The following LDAH variants were observed in gnomAD, a reference collection of about 807,000 sequenced individuals.
LDAH encodes lipid droplet associated hydrolase, also known as lipid droplet-associated hydrolase.
Under a neutral mutation model 29.6 loss-of-function variants are expected in LDAH, and 26 were observed. The ratio of observed to expected loss-of-function variants is 0.88; its 90% CI spans 0.64 to 1.22. The LOEUF (loss-of-function observed/expected upper bound fraction) is 1.22, where lower values mean the gene tolerates loss of function less well. Among genes scored for constraint, LDAH ranks in the 50% most tolerant of loss-of-function variants. The pLI, the probability that LDAH is intolerant of heterozygous loss-of-function variation, is 0.00. For missense variants in LDAH, 344 were observed against 387.3 expected (o/e 0.89, Z 0.94); for synonymous variants, 117 against 133.0 (o/e 0.88, Z 0.83).
intron 6 of LDAH, among the ~76,000 whole-genome samples, chr2:20,692,896 C>T (rs1663144277): frequency 6.6e-6 from 1 of 152,072 alleles, no homozygotes; most frequent in Non-Finnish European, 1.5e-5. Flanking sequence ...CTTTATATCA[C>T]AGTGTGGTAA....
chr2:20,763,585 T>C (rs1287162258), intron 4 of LDAH, among the ~76,000 whole-genome samples: 3 of 152,226 alleles, frequency 2.0e-5, no homozygotes, highest in African/African-American at 4.8e-5. Flanking sequence ...ACAGTACTCC[T>C]GGGCCAAGAA....
At chr2:20,736,907 T>C (rs1325387316) in intron 5 of LDAH, among the ~76,000 whole-genome samples, 1 of 152,228 alleles carries the variant, frequency 6.6e-6, no homozygotes, top group African/African-American at 2.4e-5. Flanking sequence ...GTATCTCCCA[T>C]GTACATATGA....
chr2:20,761,458 G>A (rs1464565311), intron 4 of LDAH, among the ~76,000 whole-genome samples: 3 of 152,180 alleles, frequency 2.0e-5, no homozygotes, highest in Non-Finnish European at 4.4e-5. Flanking sequence ...TGGCCCAAAA[G>A]TAGCAGAAGT....
In LDAH at chr2:20,687,363, G is replaced by A. The variant is rs891132545; in HGVS notation, c.787-269C>T. ...ATAATTCACTGAAACGACTTACCAG[G>A]AAAGTTTTGTGTACTAAGGTTGGGA... On this transcript the variant is annotated intron_variant, in intron 6 of 6. Coordinates refer to ENST00000237822, the MANE Select transcript of LDAH (RefSeq NM_021925.4). Among the ~76,000 whole-genome samples the A allele has an allele frequency of 4.6e-5, 7 of 152,368 alleles. No homozygotes were observed. In the East Asian group the frequency reaches 1.3e-3, roughly 29 times the overall value.
At position 20,795,435 on chromosome 2, in the gene LDAH, A is replaced by C. The variant is rs115751610; in HGVS notation, c.155-5037T>G. On this transcript the variant is annotated intron_variant, in intron 2 of 6. Transcript: ENST00000237822. Reference sequence around the variant, plus strand: ...CCAACCACTGTGCTCACAGCACTTGATACTTCACATGGTTCTGTTATCTCC... The same window carrying C: ...CCAACCACTGTGCTCACAGCACTTGCTACTTCACATGGTTCTGTTATCTCC... Among the ~76,000 whole-genome samples the C allele has an allele frequency of 8.3e-3, 1,262 of 152,278 alleles. 12 individuals carry two copies. Among genetic ancestry groups the C allele is most frequent in the African/African-American group, 0.029 (1,198 of 41,560 alleles).
intron 5 of LDAH, among the ~76,000 whole-genome samples, chr2:20,720,087 C>T (rs142600932): frequency 6.6e-6 from 1 of 152,178 alleles, no homozygotes; most frequent in African/African-American, 2.4e-5. Flanking sequence ...TTCAACTCAA[C>T]ATAGTATTAG....
intron 1 of LDAH, among the ~76,000 whole-genome samples, chr2:20,805,323 C>T (rs1020814580): frequency 1.3e-5 from 2 of 152,090 alleles, no homozygotes; most frequent in South Asian, 2.1e-4. Flanking sequence ...GTATAGCTTC[C>T]CCTGTAGGCA....
At chr2:20,695,019 T>C (rs529486315) in intron 6 of LDAH, among the ~76,000 whole-genome samples, 154 of 152,364 alleles carry the variant, frequency 1.0e-3, no homozygotes, top group African/African-American at 3.6e-3. Flanking sequence ...TTTCTGTCCT[T>C]CCCTGGATCT....
intron 6 of LDAH, among the ~76,000 whole-genome samples, chr2:20,695,136 A>T (rs1663342409): frequency 6.6e-6 from 1 of 152,248 alleles, no homozygotes; most frequent in Admixed American, 6.5e-5. Context: ...AATGGGCCCA[A>T]GCCTTGGTAA....
Position 20,684,778 on chromosome 2 carries a change from T to G in LDAH, c.*2125A>C, listed in dbSNP as rs988332476. 7.5e-7 allele frequency: 1 copy of G among 1,340,040 alleles called. No individual in the cohort carries two copies. Among genetic ancestry groups the G allele is most frequent in the Non-Finnish European group, 1.0e-6 (1 of 988,792 alleles). The allele number at this position is 1,340,040 out of a possible 1,614,324, so 83.0% of individuals were successfully genotyped here. A position where few individuals can be genotyped will look rare whatever the true frequency, so the allele number is the denominator to read the frequency against. On this transcript the variant is annotated 3_prime_UTR_variant, in exon 7 of 7. Coordinates refer to ENST00000237822, the MANE Select transcript of LDAH (RefSeq NM_021925.4). The stretch of plus-strand genomic sequence containing the variant: ...CGGTAACTCTGCAGGAAGTTAAAAC[T>G]TTCACAAAGACCATCCATGTGGTTG...
intron 1 of LDAH, among the ~76,000 whole-genome samples, chr2:20,805,917 T>C (rs1672038665): frequency 6.6e-6 from 1 of 151,924 alleles, no homozygotes; most frequent in African/African-American, 2.4e-5. Flanking sequence ...TTATTTATTA[T>C]AAAGTTAGCC....
rs181328183 is a variant in LDAH, at chr2:20,721,955, G to T, written c.703+18016C>A. ...TATACACATAATGGAATATTATTCAGCCATAAAAAGAATGAAATCCTGTCA... is the reference window on the plus strand; with the variant it reads ...TATACACATAATGGAATATTATTCATCCATAAAAAGAATGAAATCCTGTCA... On this transcript the variant is annotated intron_variant, in intron 5 of 6. Coordinates refer to ENST00000237822, the MANE Select transcript of LDAH (RefSeq NM_021925.4). Among the ~76,000 whole-genome samples, 181 of 152,322 alleles carry T rather than the reference G, an allele frequency of 1.2e-3. 1 individual carries two copies. Among genetic ancestry groups the T allele is most frequent in the African/African-American group, 4.1e-3 (171 of 41,576 alleles).
rs184924640 is a variant in LDAH at position 20,726,076 on chromosome 2, T to C, written c.703+13895A>G. Among the ~76,000 whole-genome samples, 705 of 152,320 alleles carry C rather than the reference T, an allele frequency of 4.6e-3. 4 individuals carry two copies. Among genetic ancestry groups the C allele is most frequent in the South Asian group, 7.5e-3 (36 of 4,824 alleles). On this transcript the variant is annotated intron_variant, in intron 5 of 6. Coordinates refer to ENST00000237822, the MANE Select transcript of LDAH (RefSeq NM_021925.4). ...TTCTGTTATCTATAGTCAAACTCAA[T>C]CCCAGATGATAAAAGTGAATAGAAA...
chr2:20,817,805 G>A (rs1041233434), intron 1 of LDAH, among the ~76,000 whole-genome samples: 1 of 152,094 alleles, frequency 6.6e-6, no homozygotes, highest in African/African-American at 2.4e-5. Context: ...CCATCCCATG[G>A]AATACTACTC....
Position 20,738,988 on chromosome 2 carries a change from C to CA in LDAH, c.703+982dup, listed in dbSNP as rs1666995451. Among the ~76,000 whole-genome samples the CA allele has an allele frequency of 2.0e-5, 3 of 152,220 alleles. No individual in the cohort carries two copies. The South Asian group carries it at 6.2e-4, about 31-fold the overall frequency. On this transcript the variant is annotated intron_variant, in intron 5 of 6. Transcript: ENST00000237822. ...CTGCTGTTATCATTAACAAGGGCAA[C>CA]AGCACCAGCTATGGTGAAAGGAAAT...
At chr2:20,760,701 C>T (rs527769257) in intron 4 of LDAH, among the ~76,000 whole-genome samples, 7 of 152,182 alleles carry the variant, frequency 4.6e-5, no homozygotes, top group Admixed American at 3.9e-4. Context: ...CATAGACAAC[C>T]CACAACATGG....
At chr2:20,721,838 TC>T (rs1665671666) in intron 5 of LDAH, among the ~76,000 whole-genome samples, 1 of 152,212 alleles carries the variant, frequency 6.6e-6, no homozygotes, top group African/African-American at 2.4e-5. Context: ...GTATCTGCAT[TC>T]CCATGTTTAT....
At chr2:20,683,503 G>A (rs897579911), downstream of LDAH, among the ~76,000 whole-genome samples, 3 of 152,310 alleles carry the variant, frequency 2.0e-5, no homozygotes, top group Non-Finnish European at 2.9e-5. Context: ...GATGTCTCAA[G>A]CCATCTAAGA....
At chr2:20,793,773 T>C (rs113125710) in intron 2 of LDAH, among the ~76,000 whole-genome samples, 2 of 151,862 alleles carry the variant, frequency 1.3e-5, no homozygotes, top group African/African-American at 2.4e-5. Flanking sequence ...TTAGATAAAA[T>C]AAACTTTTAG....
Sources: allele counts gnomAD v4.1 joint callset (sites outside exome capture counted in the v4.1 genomes callset), GRCh38; gene constraint gnomAD v4.1.1; transcripts MANE v1.5; gene names NCBI Gene and HGNC (gene_info 2026-07-23, HGNC 2026-07-21).